The following JAZF1 variants were observed in gnomAD, a reference collection of about 807,000 sequenced individuals.
JAZF1 encodes JAZF zinc finger 1.
JAZF1 carries 8 observed loss-of-function variants against 26.4 expected under a neutral mutation model. The observed-to-expected ratio is 0.30, with a 90% confidence interval of 0.18 to 0.55. The LOEUF (loss-of-function observed/expected upper bound fraction) is 0.55. Among genes scored for constraint, JAZF1 ranks in the 20% least tolerant of loss-of-function variants. The probability of loss-of-function intolerance (pLI) is 0.94; values close to 1 mark genes in which losing one functional copy is unlikely to be tolerated. For synonymous variants in JAZF1, 126 were observed against 122.3 expected (o/e 1.03, Z -0.20); for missense variants, 199 against 322.0 (o/e 0.62, Z 2.92).
intron 3 of JAZF1, among the ~76,000 whole-genome samples, chr7:27,852,354 G>A (rs546886315): frequency 1.3e-5 from 2 of 152,066 alleles, no homozygotes; most frequent in Non-Finnish European, 2.9e-5. Context: ...GGCTGGTCAT[G>A]AACTCTTGAC....
At chr7:27,928,746 A>G (rs1784638135) in intron 2 of JAZF1, among the ~76,000 whole-genome samples, 1 of 152,202 alleles carries the variant, frequency 6.6e-6, no homozygotes, top group Admixed American at 6.5e-5. Context: ...ATGAGAACAC[A>G]TGGACACATA....
intron 1 of JAZF1, among the ~76,000 whole-genome samples, chr7:28,011,442 A>G (rs1470828612): frequency 6.6e-6 from 1 of 152,196 alleles, no homozygotes; most frequent in Non-Finnish European, 1.5e-5. Flanking sequence ...TTGGTTTAAA[A>G]CACTTCACGC....
At chr7:28,140,978 G>A (rs1283229362) in intron 1 of JAZF1, among the ~76,000 whole-genome samples, 4 of 152,286 alleles carry the variant, frequency 2.6e-5, no homozygotes, top group East Asian at 1.9e-4. Context: ...ATGTTTTAAC[G>A]CAGAAAGAAC....
intron 1 of JAZF1, among the ~76,000 whole-genome samples, chr7:28,166,492 C>T (rs1241010993): frequency 6.6e-6 from 1 of 152,160 alleles, no homozygotes; most frequent in African/African-American, 2.4e-5. Flanking sequence ...AAAAGCCCTA[C>T]AAATCTTTCG....
chr7:27,948,743 G>T (rs1456032407), intron 2 of JAZF1, among the ~76,000 whole-genome samples: 2 of 152,150 alleles, frequency 1.3e-5, no homozygotes, highest in Non-Finnish European at 2.9e-5. Flanking sequence ...CAGATAGATT[G>T]CTAGATCATG....
chr7:27,995,378 TAAC>T (rs1785994302), intron 1 of JAZF1, among the ~76,000 whole-genome samples: 2 of 152,198 alleles, frequency 1.3e-5, no homozygotes, highest in African/African-American at 4.8e-5. Context: ...AACAGCCACA[TAAC>T]AACATTCGAC....
At chr7:27,850,871 CAACTATAAATCTA>C (rs1783133504) in intron 3 of JAZF1, among the ~76,000 whole-genome samples, 1 of 150,148 alleles carries the variant, frequency 6.7e-6, no homozygotes, top group South Asian at 2.1e-4. Context: ...TAAACTTTTA[CAACTATAAATCTA>C]ACAAACATTT....
At chr7:28,035,241 G>C (rs1783266288) in intron 1 of JAZF1, among the ~76,000 whole-genome samples, 1 of 146,358 alleles carries the variant, frequency 6.8e-6, no homozygotes, top group Admixed American at 6.9e-5. Context: ...TTGAACCCAG[G>C]AGGTGGAGGT....
At chr7:28,096,841 C>T (rs1562586073) in intron 1 of JAZF1, among the ~76,000 whole-genome samples, 2 of 152,134 alleles carry the variant, frequency 1.3e-5, no homozygotes, top group African/African-American at 4.8e-5. Context: ...GGTATACTGA[C>T]CACATTTCAA....
At chr7:28,133,666 T>G (rs1782835390) in intron 1 of JAZF1, among the ~76,000 whole-genome samples, 1 of 152,208 alleles carries the variant, frequency 6.6e-6, no homozygotes, top group Non-Finnish European at 1.5e-5. Flanking sequence ...TTCTTTATCA[T>G]GGCCTCCCAG....
At chr7:27,876,057 C>T (rs1023321278) in intron 3 of JAZF1, among the ~76,000 whole-genome samples, 1 of 152,190 alleles carries the variant, frequency 6.6e-6, no homozygotes, top group African/African-American at 2.4e-5. Context: ...TACCTAATGT[C>T]TCTTACCTTC....
At chr7:27,877,794 C>G (rs772853494) in intron 3 of JAZF1, among the ~76,000 whole-genome samples, 4 of 152,156 alleles carry the variant, frequency 2.6e-5, no homozygotes, top group Non-Finnish European at 5.9e-5. Context: ...TTTTTCACGT[C>G]TACGTTATTT....
intron 4 of JAZF1, among the ~76,000 whole-genome samples, chr7:27,837,492 T>C (rs995286199): frequency 5.3e-5 from 8 of 151,772 alleles, no homozygotes; most frequent in African/African-American, 1.9e-4. Flanking sequence ...ATCTGAGACA[T>C]GTGCTGGGTG....
At chr7:28,072,998 A>C (rs1426444146) in intron 1 of JAZF1, among the ~76,000 whole-genome samples, 1 of 152,168 alleles carries the variant, frequency 6.6e-6, no homozygotes, top group Non-Finnish European at 1.5e-5. Flanking sequence ...AAAGCTCAGA[A>C]AAGGAAACTC....
chr7:28,094,747 G>C (rs1395538049), intron 1 of JAZF1, among the ~76,000 whole-genome samples: 1 of 152,148 alleles, frequency 6.6e-6, no homozygotes. Flanking sequence ...TGCTTATGGT[G>C]CTTTTTAAAA....
chr7:28,096,311 A>G (rs1784384118), intron 1 of JAZF1, among the ~76,000 whole-genome samples: 1 of 152,260 alleles, frequency 6.6e-6, no homozygotes, highest in African/African-American at 2.4e-5. Flanking sequence ...TTTTGGTTAT[A>G]AAGCACAATA....
chr7:28,077,437 G>A (rs570503348), intron 1 of JAZF1, among the ~76,000 whole-genome samples: 5 of 152,096 alleles, frequency 3.3e-5, no homozygotes, highest in African/African-American at 1.2e-4. Flanking sequence ...TGATTATACC[G>A]ACTCTGGTTT....
At chr7:28,068,229 T>G (rs1469219867) in intron 1 of JAZF1, among the ~76,000 whole-genome samples, 4 of 151,686 alleles carry the variant, frequency 2.6e-5, no homozygotes, top group African/African-American at 9.7e-5. Flanking sequence ...TTTTTTTTTT[T>G]TTTTTTTCAT....
intron 1 of JAZF1, among the ~76,000 whole-genome samples, chr7:28,023,397 G>T (rs916613519): frequency 2.6e-5 from 4 of 152,148 alleles, no homozygotes; most frequent in African/African-American, 9.7e-5. Flanking sequence ...AATTCGAAAC[G>T]ATTTTCCAAT....
Sources: allele counts gnomAD v4.1 joint callset (sites outside exome capture counted in the v4.1 genomes callset), GRCh38; gene constraint gnomAD v4.1.1; transcripts MANE v1.5; gene names NCBI Gene and HGNC (gene_info 2026-07-23, HGNC 2026-07-21).